The following STXBP2 variants were observed in gnomAD, a reference collection of about 807,000 sequenced individuals.
The protein encoded by STXBP2 is syntaxin binding protein 2.
STXBP2 carries 47 observed loss-of-function variants against 72.2 expected under a neutral mutation model. The ratio of observed to expected loss-of-function variants is 0.65; its 90% CI spans 0.51 to 0.83. The LOEUF is 0.83. Among genes scored for constraint, STXBP2 ranks in the 40% least tolerant of loss-of-function variants. STXBP2 has a pLI of 0.00. For synonymous variants in STXBP2, 367 were observed against 338.7 expected (o/e 1.08, Z -0.92); for missense variants, 702 against 807.6 (o/e 0.87, Z 1.58).
chr19:7,647,771 G>A lies in STXBP2; in HGVS notation c.1743G>A (p.Lys581=). 6.2e-7 allele frequency: 1 copy of A among 1,614,084 alleles called. No individual in the cohort carries two copies. Among genetic ancestry groups the A allele is most frequent in the Non-Finnish European group, 8.5e-7 (1 of 1,180,022 alleles). The stretch of plus-strand genomic sequence containing the variant: ...CGACCCGCTTCCTGGATGACCTGAA[G>A]GCACTGGACAAGAAGCTGGAGGACA... ...LTPTRFLDDL[K]ALDKKLEDIA... is the part of the protein sequence containing the mutation. The change falls in exon 19 of 19, where the codon AAG becomes AAA. Residue 581 remains lysine (K), a synonymous_variant. Transcript: ENST00000221283.
chr19:7,645,293 T>C lies in STXBP2; in HGVS notation c.1343T>C (p.Val448Ala). The change falls in exon 15 of 19, where the codon GTC becomes GCC. Residue 448 changes from valine to alanine, a missense_variant. Physicochemically the swap from Val to Ala is moderately conservative, Grantham distance 64 (BLOSUM62 0). Coordinates refer to ENST00000221283, the MANE Select transcript of STXBP2 (RefSeq NM_006949.4). Reference sequence around the variant, plus strand: ...AACCTGGAGCAGCTGGGAGGCACTGTCACCAACCCCGGGGTACGCCAGGAG... The same window carrying C: ...AACCTGGAGCAGCTGGGAGGCACTGCCACCAACCCCGGGGTACGCCAGGAG... ...IRNLEQLGGT[V>A]TNPGGSGTSS... 1 of 1,585,394 alleles carries C rather than the reference T, an allele frequency of 6.3e-7. No individual in the cohort carries two copies. Among genetic ancestry groups the C allele is most frequent in the Non-Finnish European group, 8.6e-7 (1 of 1,164,786 alleles).
At position 7,642,421 on chromosome 19, in the gene STXBP2, C is replaced by T. The variant is rs536789604; in HGVS notation, c.795-8C>T. The T allele has an allele frequency of 3.7e-6, 6 of 1,613,928 alleles. No homozygotes were observed. In the African/African-American group the frequency reaches 5.3e-5, roughly 14 times the overall value. Reference sequence around the variant, plus strand: ...CCCTGACCCCCAGGCTCCCTCCTTCCTCCCCAGGTATGAGACCACCGGGCT... The same window carrying T: ...CCCTGACCCCCAGGCTCCCTCCTTCTTCCCCAGGTATGAGACCACCGGGCT... On this transcript the variant is annotated splice_region_variant and splice_polypyrimidine_tract_variant and intron_variant, in intron 9 of 18. Coordinates refer to ENST00000221283, the MANE Select transcript of STXBP2 (RefSeq NM_006949.4). The surrounding 1 kb of genome is among the most constrained non-coding windows in gnomAD (Gnocchi z 6.0).
chr19:7,639,529 T>G, intron 3 of STXBP2: 2 of 627,340 alleles, frequency 3.2e-6, no homozygotes, highest in Non-Finnish European at 5.8e-6. Flanking sequence ...GTCTGTAAAT[T>G]TGGGGAACCC....
In STXBP2 at chr19:7,642,702, G is replaced by A; in HGVS notation, c.903-64G>A. ...CCACCTCTCCCTGTCCCCCCTGAGTGGGCTCACCCATGGCCTGTGGCTCCT... is the reference window on the plus strand; with the variant it reads ...CCACCTCTCCCTGTCCCCCCTGAGTAGGCTCACCCATGGCCTGTGGCTCCT... On this transcript the variant is annotated intron_variant, in intron 10 of 18. Transcript: ENST00000221283. The surrounding 1 kb of genome is among the most constrained non-coding windows in gnomAD (Gnocchi z 6.0). 6.4e-7 allele frequency: 1 copy of A among 1,560,880 alleles called. No individual in the cohort carries two copies. The highest frequency in any genetic ancestry group is 8.8e-7 in the Non-Finnish European group (1 of 1,135,078).
intron 14 of STXBP2, 39 bp downstream of exon 14, chr19:7,644,791 G>T (rs1159237756): frequency 6.2e-7 from 1 of 1,612,836 alleles, no homozygotes; most frequent in African/African-American, 1.3e-5. Flanking sequence ...GTCCCCATTT[G>T]CCAGCGTCTC....
In STXBP2 at chr19:7,647,148, C is replaced by T. The variant is rs1276914237; in HGVS notation, c.1453-14C>T. 3.7e-6 allele frequency: 6 copies of T among 1,611,026 alleles called. No homozygotes were observed. In the African/African-American group the frequency reaches 4.0e-5, roughly 11 times the overall value. On this transcript the variant is annotated splice_polypyrimidine_tract_variant and intron_variant, in intron 16 of 18. Transcript: ENST00000221283. ...GCCTGGGGTTCCTCCCCTAACCTGC[C>T]TCTCGGCCGCCAGGACGCCGTGGAG... is the stretch of plus-strand genomic sequence containing the variant.
Position 7,642,936 on chromosome 19 carries a change from C to T in STXBP2, c.961-47C>T. ...TGGACTGAGACCCAGGTGGGCACTG[C>T]CTGGCTTCGCCCCCCAATCCCTACC... On this transcript the variant is annotated intron_variant, in intron 11 of 18. Coordinates refer to ENST00000221283, the MANE Select transcript of STXBP2 (RefSeq NM_006949.4). The surrounding 1 kb of genome is among the most constrained non-coding windows in gnomAD (Gnocchi z 6.0). 1 of 1,613,230 alleles carries T rather than the reference C, an allele frequency of 6.2e-7. No individual in the cohort carries two copies. The highest frequency in any genetic ancestry group is 8.5e-7 in the Non-Finnish European group (1 of 1,179,158).
Position 7,642,988 on chromosome 19 carries a change from C to T in STXBP2, c.966C>T (p.Asn322=). ...ESKRLTTDKA[N]IKDLSQILKK... ...TCTTCCCCCTACTTCCCCAGGCGAA[C>T]ATCAAAGACCTATCCCAGATCCTGA... Residue 322 remains asparagine, a synonymous_variant, in exon 12 of 19, where the codon AAC becomes AAT. Transcript: ENST00000221283. This position sits in a 1 kb window ranked among gnomAD's most constrained non-coding sequence, Gnocchi z 6.0. 6.2e-7 allele frequency: 1 copy of T among 1,614,160 alleles called. No individual in the cohort carries two copies. The highest frequency in any genetic ancestry group is 1.7e-5 in the Admixed American group (1 of 60,022).
chr19:7,634,320 C>A (rs1363381097), upstream of STXBP2, among the ~76,000 whole-genome samples: 3 of 152,182 alleles, frequency 2.0e-5, no homozygotes, highest in Non-Finnish European at 2.9e-5. Context: ...CCCAAGACGC[C>A]TTTACGGAAA....
chr19:7,643,434 G>A (rs1415029972), intron 13 of STXBP2, among the ~76,000 whole-genome samples, 189 bp downstream of exon 13: 1 of 151,840 alleles, frequency 6.6e-6, no homozygotes, highest in Non-Finnish European at 1.5e-5. Context: ...CCTAGGATGA[G>A]GGTGTGGCCT....
chr19:7,642,191 A>ACC lies in STXBP2; in HGVS notation c.664-9_664-8dup, dbSNP rs1369151962. ...GGTCAGTGCCTCATTCCTGCCCTAA[A>ACC]CCCCACCCCAGGGCCCAGAGAAAAC... is the stretch of plus-strand genomic sequence containing the variant. On this transcript the variant is annotated splice_polypyrimidine_tract_variant and intron_variant, in intron 8 of 18. Coordinates refer to ENST00000221283, the MANE Select transcript of STXBP2 (RefSeq NM_006949.4). This position sits in a 1 kb window ranked among gnomAD's most constrained non-coding sequence, Gnocchi z 6.0. The ACC allele has an allele frequency of 6.2e-7, 1 of 1,613,364 alleles. No individual in the cohort carries two copies. Among genetic ancestry groups the ACC allele is most frequent in the Non-Finnish European group, 8.5e-7 (1 of 1,179,862 alleles).
At chr19:7,633,459 T>G, upstream of STXBP2, 1 of 1,574,814 alleles carries the variant, frequency 6.3e-7, no homozygotes, top group Non-Finnish European at 8.6e-7. Flanking sequence ...ATCCATCATG[T>G]CCCTGGACTC....
upstream of STXBP2, among the ~76,000 whole-genome samples, chr19:7,635,206 T>C (rs999720267): frequency 6.6e-6 from 1 of 152,190 alleles, no homozygotes; most frequent in African/African-American, 2.4e-5. Flanking sequence ...CCCCAGGATC[T>C]GGAGGGTTCC....
At chr19:7,633,237 G>T (rs2031405842), upstream of STXBP2, among the ~76,000 whole-genome samples, 1 of 152,212 alleles carries the variant, frequency 6.6e-6, no homozygotes, top group Non-Finnish European at 1.5e-5. Context: ...CCTCTGCCCT[G>T]GGGCCTGGCA....
chr19:7,640,813 A>C lies in STXBP2; in HGVS notation c.325+4A>C. On this transcript the variant is annotated splice_donor_region_variant and intron_variant, in intron 5 of 18. Coordinates refer to ENST00000221283, the MANE Select transcript of STXBP2 (RefSeq NM_006949.4). The stretch of plus-strand genomic sequence containing the variant: ...GCCCATATCTTCTTCACCGACAGTG[A>C]GTGAGGAGAGCCTAGGGTGTTGGTG... The C allele has an allele frequency of 1.2e-6, 2 of 1,614,124 alleles. No individual in the cohort carries two copies. The highest frequency in any genetic ancestry group is 1.7e-6 in the Non-Finnish European group (2 of 1,179,984).
chr19:7,639,432 T>C, intron 3 of STXBP2: 1 of 574,348 alleles, frequency 1.7e-6, no homozygotes, highest in African/African-American at 1.9e-5. Flanking sequence ...GAGCCTTCTA[T>C]GGGTGACCCC....
chr19:7,645,141 T>C, intron 14 of STXBP2, 56 bp from the exon 15 acceptor site: 2 of 1,537,328 alleles, frequency 1.3e-6, no homozygotes, highest in Admixed American at 2.0e-5. Flanking sequence ...CAAACTCCCC[T>C]AAACCTGGGA....
chr19:7,631,403 G>A, the STXBP2 span: 22 of 1,091,156 alleles, frequency 2.0e-5, no homozygotes, highest in East Asian at 2.7e-5. Flanking sequence ...GGTGGGCGGG[G>A]GGGGGTGGTC....
At chr19:7,630,332 G>C in the STXBP2 span, 14 of 566,340 alleles carry the variant, frequency 2.5e-5, no homozygotes, top group Non-Finnish European at 4.1e-5. Context: ...CTGTGTGTCT[G>C]TCTGTGTTTG....
Sources: allele counts gnomAD v4.1 joint callset (sites outside exome capture counted in the v4.1 genomes callset), GRCh38; gene constraint gnomAD v4.1.1; non-coding constraint Gnocchi (gnomAD v3.1); transcripts MANE v1.5; gene names NCBI Gene and HGNC (gene_info 2026-07-23, HGNC 2026-07-21).